The following ANXA10 variants were observed in gnomAD, a reference collection of about 807,000 sequenced individuals.
The protein encoded by ANXA10 is annexin 14.
Under a neutral mutation model 53.5 loss-of-function variants are expected in ANXA10, and 49 were observed. The observed-to-expected ratio is 0.92, with a 90% CI of 0.73 to 1.16. ANXA10 has a LOEUF of 1.16. Ranked by LOEUF, ANXA10 falls within the 50% of genes most tolerant of loss-of-function variation. ANXA10 has a pLI of 0.00. For synonymous variants in ANXA10, 131 were observed against 128.9 expected (o/e 1.02, Z -0.11); for missense variants, 393 against 394.4 (o/e 1.00, Z 0.03).
intron 1 of ANXA10, among the ~76,000 whole-genome samples, chr4:168,095,277 T>G (rs1042807908): frequency 2.6e-5 from 4 of 152,022 alleles, no homozygotes; most frequent in African/African-American, 9.7e-5. Context: ...GTTCATACAG[T>G]AGCATCTTAT....
At chr4:168,150,222 T>C (rs1731474186) in intron 3 of ANXA10, among the ~76,000 whole-genome samples, 1 of 152,188 alleles carries the variant, frequency 6.6e-6, no homozygotes, top group Non-Finnish European at 1.5e-5. Context: ...AGAGTTTAGA[T>C]TTAATATACC....
At chr4:168,105,408 G>GAT (rs1730704719) in intron 1 of ANXA10, among the ~76,000 whole-genome samples, 1 of 151,952 alleles carries the variant, frequency 6.6e-6, no homozygotes, top group African/African-American at 2.4e-5. Context: ...AAGCATAATG[G>GAT]CCTCCAGCTC....
chr4:168,107,155 G>C (rs1730732232), intron 1 of ANXA10, among the ~76,000 whole-genome samples: 1 of 151,802 alleles, frequency 6.6e-6, no homozygotes. Flanking sequence ...AATATAAGCA[G>C]ACCAATAAAA....
At chr4:168,103,159 AG>A (rs1730667743) in intron 1 of ANXA10, among the ~76,000 whole-genome samples, 1 of 151,994 alleles carries the variant, frequency 6.6e-6, no homozygotes, top group African/African-American at 2.4e-5. Context: ...ACCAAGCAAA[AG>A]TTTTCAGTTT....
intron 3 of ANXA10, 149 bp downstream of exon 3, chr4:168,139,729 C>T: frequency 1.9e-6 from 1 of 521,220 alleles, no homozygotes; most frequent in South Asian, 3.4e-5. Context: ...ATTCCTCTTA[C>T]ATGTTTCAAG....
At chr4:168,095,995 G>C (rs1438524401) in intron 1 of ANXA10, among the ~76,000 whole-genome samples, 1 of 152,042 alleles carries the variant, frequency 6.6e-6, no homozygotes, top group African/African-American at 2.4e-5. Flanking sequence ...GTCTACTATG[G>C]GCAATGAGAC....
intron 1 of ANXA10, among the ~76,000 whole-genome samples, chr4:168,124,994 G>A (rs570331921): frequency 5.3e-5 from 8 of 152,262 alleles, no homozygotes; most frequent in South Asian, 2.1e-4. Context: ...GGCTAGGAAC[G>A]AGGGAATGGG....
intron 1 of ANXA10, among the ~76,000 whole-genome samples, chr4:168,103,595 C>T (rs1730674156): frequency 6.6e-6 from 1 of 151,884 alleles, no homozygotes; most frequent in Non-Finnish European, 1.5e-5. Context: ...GTTAGCATTA[C>T]TCCTACAATT....
chr4:168,153,442 C>CAAAAAAAAAAAAAAAA (rs1560782282), intron 3 of ANXA10, among the ~76,000 whole-genome samples: 1 of 42,934 alleles, frequency 2.3e-5, no homozygotes, highest in Non-Finnish European at 4.8e-5. Context: ...AAAAAAAAAA[C>CAAAAAAAAAAAAAAAA]AAAAACAAAA....
intron 3 of ANXA10, among the ~76,000 whole-genome samples, chr4:168,156,036 AT>A (rs1418925766): frequency 0.015 from 171 of 11,588 alleles, 2 homozygotes; most frequent in Middle Eastern, 0.1. Context: ...TATATATAGT[AT>A]TATATTATAT....
intron 1 of ANXA10, among the ~76,000 whole-genome samples, chr4:168,118,163 G>A (rs1297471805): frequency 6.6e-6 from 1 of 151,738 alleles, no homozygotes; most frequent in African/African-American, 2.4e-5. Context: ...AGGACCTTCT[G>A]TGTATAAGGA....
rs1731800679 is a variant in ANXA10, at chr4:168,162,391, A to G, written c.196-137A>G. 24 of 669,016 alleles carry G rather than the reference A, an allele frequency of 3.6e-5. No homozygotes were observed. The Admixed American group carries it at 5.8e-4, about 16-fold the overall frequency. 41.4% of individuals were successfully genotyped at this position (669,016 alleles called of 1,614,324 possible). A position where few individuals can be genotyped will look rare whatever the true frequency, so the allele number is the denominator to read the frequency against. ...ATCATCTCATGTAATGCATACATAT[A>G]CATGTGAATCAGACTTGTTATGCTG... On this transcript the variant is annotated intron_variant, in intron 3 of 11. Coordinates refer to ENST00000359299, the MANE Select transcript of ANXA10 (RefSeq NM_007193.5).
chr4:168,165,165 G>T lies in ANXA10; in HGVS notation c.401-82G>T, dbSNP rs113639648. 2.0e-3 allele frequency: 1,745 copies of T among 862,482 alleles called. 14 individuals carry two copies. Among genetic ancestry groups the T allele is most frequent in the African/African-American group, 0.019 (1,103 of 57,432 alleles). 53.4% of individuals were successfully genotyped at this position (862,482 alleles called of 1,614,324 possible). ...TTTCCTGGACTTTGTACTCACAACT[G>T]GGAAATAACATTAACTTACTCAAAA... On this transcript the variant is annotated intron_variant, in intron 5 of 11. Transcript: ENST00000359299.
chr4:168,113,834 T>C (rs1027581499), intron 1 of ANXA10, among the ~76,000 whole-genome samples: 3 of 152,244 alleles, frequency 2.0e-5, no homozygotes, highest in African/African-American at 7.2e-5. Context: ...CTTCTTTTCT[T>C]CCCTTTGCTT....
At chr4:168,153,224 G>C (rs1180036586) in intron 3 of ANXA10, among the ~76,000 whole-genome samples, 1 of 152,026 alleles carries the variant, frequency 6.6e-6, no homozygotes. Context: ...TCAGTTTCTA[G>C]ATAGATTTGT....
chr4:168,102,185 A>C (rs1256171629), intron 1 of ANXA10, among the ~76,000 whole-genome samples: 3 of 152,132 alleles, frequency 2.0e-5, no homozygotes, highest in African/African-American at 7.2e-5. Context: ...TGTGGTTATG[A>C]GATTTATTTG....
At chr4:168,122,493 T>C (rs1255866211) in intron 1 of ANXA10, among the ~76,000 whole-genome samples, 1 of 152,194 alleles carries the variant, frequency 6.6e-6, no homozygotes, top group African/African-American at 2.4e-5. Flanking sequence ...ATATATCATA[T>C]TGTATTAGGC....
At chr4:168,093,202 T>C (rs1200220342) in intron 1 of ANXA10, among the ~76,000 whole-genome samples, 2 of 152,216 alleles carry the variant, frequency 1.3e-5, no homozygotes, top group Admixed American at 1.3e-4. Flanking sequence ...CGATATTTAC[T>C]TCTATCTATA....
At chr4:168,153,876 C>T (rs1305218568) in intron 3 of ANXA10, among the ~76,000 whole-genome samples, 1 of 152,106 alleles carries the variant, frequency 6.6e-6, no homozygotes, top group African/African-American at 2.4e-5. Flanking sequence ...CCTCCAGAAC[C>T]TGTACATTCG....
Sources: gnomAD v4.1 joint callset for allele counts (sites outside exome capture counted in the v4.1 genomes callset) on GRCh38, gnomAD v4.1.1 for gene constraint, MANE v1.5 for transcripts, NCBI Gene and HGNC (gene_info 2026-07-23, HGNC 2026-07-21) for gene names.